The following CDH22 variants were observed in gnomAD, a reference collection of about 807,000 sequenced individuals.
CDH22 encodes cadherin 22.
Under a neutral mutation model 58.4 loss-of-function variants are expected in CDH22, and 30 were observed. That is an observed-to-expected ratio of 0.51 (90% confidence interval 0.38 to 0.70). The LOEUF (loss-of-function observed/expected upper bound fraction) is 0.70, where lower values mean the gene tolerates loss of function less well. CDH22 is among the 30% of genes least tolerant of loss of function. The probability of loss-of-function intolerance (pLI) is 0.00; values close to 1 mark genes in which losing one functional copy is unlikely to be tolerated. For missense variants in CDH22, 1,014 were observed against 1,233.9 expected, an observed-to-expected ratio of 0.82 and a Z score of 2.67; for synonymous variants, 513 against 558.2, an observed-to-expected ratio of 0.92 and a Z score of 1.14.
At chr20:46,219,558 C>T (rs1485389348) in intron 4 of CDH22, among the ~76,000 whole-genome samples, 1 of 152,146 alleles carries the variant, frequency 6.6e-6, no homozygotes, top group Admixed American at 6.5e-5. Flanking sequence ...CACTAAATGC[C>T]AGCAGCACTA....
At position 46,251,085 on chromosome 20, in the gene CDH22, G is replaced by A. The variant is rs998100241; in HGVS notation, c.210C>T (p.Phe70=). The A allele has an allele frequency of 1.2e-6, 2 of 1,611,960 alleles. No homozygotes were observed. Among genetic ancestry groups the A allele is most frequent in the Non-Finnish European group, 1.7e-6 (2 of 1,178,986 alleles). Residue 70 remains phenylalanine (F), a synonymous_variant, in exon 2 of 12, where the codon TTC becomes TTT. Transcript: ENST00000537909. This position sits in a 1 kb window ranked among gnomAD's most constrained non-coding sequence, Gnocchi z 6.7. The part of the protein sequence containing the change: ...VKRGWVWNQF[F]VVEEYTGTEP... Reference sequence around the variant, plus strand: ...CCGTGCCCGTGTACTCCTCTACCACGAAGAACTGGTTCCACACCCAGCCGC... The same window carrying A: ...CCGTGCCCGTGTACTCCTCTACCACAAAGAACTGGTTCCACACCCAGCCGC...
intron 3 of CDH22, among the ~76,000 whole-genome samples, chr20:46,235,700 C>A (rs778304292): frequency 4.6e-5 from 7 of 152,190 alleles, no homozygotes; most frequent in Non-Finnish European, 4.4e-5. Flanking sequence ...CCCTCACAAA[C>A]CCTGTTGGCT....
At chr20:46,249,270 G>C (rs1221581156) in intron 2 of CDH22, among the ~76,000 whole-genome samples, 2 of 152,164 alleles carry the variant, frequency 1.3e-5, no homozygotes, top group African/African-American at 4.8e-5. Context: ...CATATAGCAG[G>C]CTTGGTCACT....
intron 8 of CDH22, among the ~76,000 whole-genome samples, chr20:46,189,434 C>T (rs1267967764): frequency 1.3e-5 from 2 of 151,944 alleles, no homozygotes; most frequent in East Asian, 1.9e-4. Flanking sequence ...GTAGAGGGGG[C>T]GGCCAGGGCC....
chr20:46,267,299 T>A (rs1190847305), intron 1 of CDH22, among the ~76,000 whole-genome samples: 3 of 152,224 alleles, frequency 2.0e-5, no homozygotes, highest in Non-Finnish European at 4.4e-5. Context: ...CATGGTACAC[T>A]AACTGTGTGC....
chr20:46,181,056 A>T (rs1282940630), intron 10 of CDH22, among the ~76,000 whole-genome samples: 2 of 151,992 alleles, frequency 1.3e-5, no homozygotes, highest in Non-Finnish European at 2.9e-5. Flanking sequence ...CATTACAGGC[A>T]TAAGCCACCA....
chr20:46,279,531 G>C (rs2086538363), intron 1 of CDH22, among the ~76,000 whole-genome samples: 1 of 152,212 alleles, frequency 6.6e-6, no homozygotes, highest in Admixed American at 6.5e-5. Flanking sequence ...AAATTGCAGA[G>C]TGATACATCA....
intron 1 of CDH22, among the ~76,000 whole-genome samples, chr20:46,273,268 T>C (rs574234845): frequency 6.6e-6 from 1 of 152,382 alleles, no homozygotes; most frequent in Admixed American, 6.5e-5. Context: ...CTAAGTTCTC[T>C]GGGCTTCTGT....
In CDH22 at chr20:46,174,376, C is replaced by A. The variant is rs1255320149; in HGVS notation, c.*130G>T. 2.5e-5 allele frequency: 16 copies of A among 634,394 alleles called. No homozygotes were observed. The highest frequency in any genetic ancestry group is 4.4e-5 in the South Asian group (2 of 45,576). The allele number at this position is 634,394 out of a possible 1,614,324, so 39.3% of individuals were successfully genotyped here. A position where few individuals can be genotyped will look rare whatever the true frequency, so the allele number is the denominator to read the frequency against. ...AAGAGTCCGCTCCTAGCAAGTCCCC[C>A]CTCCGTCCAGCCGCCAAGGGAGGGT... On this transcript the variant is annotated 3_prime_UTR_variant, in exon 12 of 12. Coordinates refer to ENST00000537909, the MANE Select transcript of CDH22 (RefSeq NM_021248.3). This position sits in a 1 kb window ranked among gnomAD's most constrained non-coding sequence, Gnocchi z 4.4.
intron 5 of CDH22, among the ~76,000 whole-genome samples, chr20:46,214,416 C>T (rs1488191155): frequency 6.6e-6 from 1 of 152,148 alleles, no homozygotes; most frequent in Non-Finnish European, 1.5e-5. Context: ...CATACAGCAG[C>T]CGGGGTGGGG....
intron 1 of CDH22, among the ~76,000 whole-genome samples, chr20:46,292,903 C>A (rs2086610730): frequency 6.7e-6 from 1 of 149,316 alleles, no homozygotes; most frequent in African/African-American, 2.5e-5. Context: ...TCTAGAAGAG[C>A]ACCAGCCACT....
intron 1 of CDH22, among the ~76,000 whole-genome samples, chr20:46,275,649 T>C (rs917058533): frequency 5.3e-5 from 8 of 152,140 alleles, no homozygotes; most frequent in Non-Finnish European, 1.0e-4. Context: ...CAAATATTTG[T>C]TGAGTGGTTG....
At position 46,210,381 on chromosome 20, in the gene CDH22, C is replaced by T; in HGVS notation, c.1212G>A (p.Gln404=). The T allele has an allele frequency of 6.8e-7, 1 of 1,481,204 alleles. No individual in the cohort carries two copies. 91.8% of individuals were successfully genotyped at this position (1,481,204 alleles called of 1,614,324 possible). The change falls in exon 7 of 12, where the codon CAG becomes CAA. Residue 404 remains glutamine (Q), a synonymous_variant. Coordinates refer to ENST00000537909, the MANE Select transcript of CDH22 (RefSeq NM_021248.3). This position sits in a 1 kb window ranked among gnomAD's most constrained non-coding sequence, Gnocchi z 4.5. ...FRPPSGLLEV[Q]EDAQVGSLVG... Reference sequence around the variant, plus strand: ...CCAGGGAGCCCACCTGCGCGTCCTCCTGCACCTCCAGGAGGCCGGAGGGCG... The same window carrying T: ...CCAGGGAGCCCACCTGCGCGTCCTCTTGCACCTCCAGGAGGCCGGAGGGCG...
intron 8 of CDH22, among the ~76,000 whole-genome samples, chr20:46,190,929 T>C (rs1179231869): frequency 1.3e-5 from 2 of 152,166 alleles, no homozygotes; most frequent in Admixed American, 1.3e-4. Flanking sequence ...TCACCTTCAC[T>C]GGGCCTCAGA....
At chr20:46,267,478 G>A (rs1030631027) in intron 1 of CDH22, among the ~76,000 whole-genome samples, 1 of 152,216 alleles carries the variant, frequency 6.6e-6, no homozygotes, top group African/African-American at 2.4e-5. Flanking sequence ...AATGAACAAA[G>A]AAAAGTGTCA....
At chr20:46,220,710 T>A (rs2086117649) in intron 4 of CDH22, 1 of 151,838 alleles carries the variant, frequency 6.6e-6, no homozygotes. Context: ...TTCTTTGCTG[T>A]CCCTGTCACT....
intron 2 of CDH22, among the ~76,000 whole-genome samples, chr20:46,245,665 T>C (rs1246320710): frequency 1.3e-5 from 2 of 152,060 alleles, no homozygotes; most frequent in Non-Finnish European, 2.9e-5. Context: ...AATAAATGAA[T>C]AATAAAATAT....
chr20:46,304,491 G>A (rs1311061135), intron 1 of CDH22, among the ~76,000 whole-genome samples: 1 of 152,188 alleles, frequency 6.6e-6, no homozygotes, highest in Non-Finnish European at 1.5e-5. Context: ...AGGCTGGTTG[G>A]ACTCCAATGC....
At chr20:46,292,027 A>G (rs533566174) in intron 1 of CDH22, among the ~76,000 whole-genome samples, 4 of 152,328 alleles carry the variant, frequency 2.6e-5, no homozygotes, top group Admixed American at 1.3e-4. Flanking sequence ...TCCCACCCCA[A>G]TGGAGAATGA....
Sources: allele counts gnomAD v4.1 joint callset (sites outside exome capture counted in the v4.1 genomes callset), GRCh38; gene constraint gnomAD v4.1.1; non-coding constraint Gnocchi (gnomAD v3.1); transcripts MANE v1.5; gene names NCBI Gene and HGNC (gene_info 2026-07-23, HGNC 2026-07-21).